ROR1: variants seen among roughly 807,000 people sequenced by gnomAD.
The protein encoded by ROR1 is inactive tyrosine-protein kinase transmembrane receptor ROR1.
In ROR1, 19 loss-of-function variants were observed where a neutral mutation model predicts 78.8. The observed-to-expected ratio is 0.24, with a 90% CI of 0.17 to 0.35. ROR1 has a LOEUF of 0.35. ROR1 is among the 10% of genes least tolerant of loss of function. The probability of loss-of-function intolerance (pLI) is 1.00; values close to 1 mark genes in which losing one functional copy is unlikely to be tolerated. For synonymous variants in ROR1, 386 were observed against 433.6 expected, an observed-to-expected ratio of 0.89 and a Z score of 1.36; for missense variants, 917 against 1,177.8, an observed-to-expected ratio of 0.78 and a Z score of 3.24.
intron 1 of ROR1, among the ~76,000 whole-genome samples, chr1:63,786,398 C>T (rs564575761): frequency 6.7e-6 from 1 of 149,100 alleles, no homozygotes; most frequent in Non-Finnish European, 1.5e-5. Context: ...TCAGCCTCCT[C>T]AGTAGCTGGG....
rs533039680 is a variant in ROR1 at position 63,932,983 on chromosome 1, C to G, written c.92-76322C>G. Among the ~76,000 whole-genome samples the G allele has an allele frequency of 3.3e-5, 5 of 152,264 alleles. No individual in the cohort carries two copies. The South Asian group carries it at 1.0e-3, about 32-fold the overall frequency. On this transcript the variant is annotated intron_variant, in intron 1 of 8. Transcript: ENST00000371079. ...AGCCCTTTATCTCTGTAATAATTGC[C>G]AAGAGTCCTGAAAGATGCCTCTTCC...
intron 7 of ROR1, among the ~76,000 whole-genome samples, chr1:64,147,932 T>C (rs1649517827): frequency 1.3e-5 from 2 of 152,154 alleles, no homozygotes; most frequent in Admixed American, 6.5e-5. Context: ...TACTGGCAAC[T>C]GTTGTGTAGA....
At chr1:63,953,567 T>C (rs1219952831) in intron 1 of ROR1, among the ~76,000 whole-genome samples, 1 of 152,212 alleles carries the variant, frequency 6.6e-6, no homozygotes, top group Non-Finnish European at 1.5e-5. Context: ...TGTTGTAACA[T>C]GCCTACCCTA....
chr1:63,782,859 T>C (rs1032168397), intron 1 of ROR1, among the ~76,000 whole-genome samples: 1 of 152,190 alleles, frequency 6.6e-6, no homozygotes, highest in African/African-American at 2.4e-5. Context: ...AGGCACTTTA[T>C]ACAGCCAGTG....
intron 1 of ROR1, among the ~76,000 whole-genome samples, chr1:63,801,599 A>G (rs1030603562): frequency 1.3e-5 from 2 of 152,098 alleles, no homozygotes; most frequent in African/African-American, 2.4e-5. Flanking sequence ...CTGGCCGGGT[A>G]TCATGTATTT....
chr1:63,826,877 G>T (rs887120664), intron 1 of ROR1, among the ~76,000 whole-genome samples: 1 of 151,998 alleles, frequency 6.6e-6, no homozygotes, highest in African/African-American at 2.4e-5. Flanking sequence ...CTGTGGTTTT[G>T]ACTTGCATTT....
chr1:64,031,057 A>C lies in ROR1; in HGVS notation c.164-18634A>C, dbSNP rs377479320. On this transcript the variant is annotated intron_variant, in intron 2 of 8. Coordinates refer to ENST00000371079, the MANE Select transcript of ROR1 (RefSeq NM_005012.4). ...ATGCCTGCCTAATTTTTGTAGAGAC[A>C]GAGTTTTGCCATGTTTCCCAGGCTG... 3.3e-5 allele frequency among the ~76,000 whole-genome samples: 5 copies of C among 152,286 alleles called. No homozygotes were observed. In the South Asian group the frequency reaches 6.2e-4, roughly 19 times the overall value.
chr1:63,943,678 T>C (rs1645859688), intron 1 of ROR1, among the ~76,000 whole-genome samples: 2 of 152,196 alleles, frequency 1.3e-5, no homozygotes, highest in South Asian at 4.1e-4. Flanking sequence ...GCTGGTCACA[T>C]TTGCAGAGAG....
intron 1 of ROR1, among the ~76,000 whole-genome samples, chr1:63,990,860 G>A (rs1646290155): frequency 6.6e-6 from 1 of 152,122 alleles, no homozygotes; most frequent in Non-Finnish European, 1.5e-5. Context: ...TTTTAATAGA[G>A]TACCCAGAAT....
At chr1:64,060,021 A>C (rs1397019253) in intron 4 of ROR1, among the ~76,000 whole-genome samples, 1 of 151,636 alleles carries the variant, frequency 6.6e-6, no homozygotes, top group African/African-American at 2.4e-5. Flanking sequence ...CTATATATCC[A>C]CTCCCTCACC....
intron 1 of ROR1, among the ~76,000 whole-genome samples, chr1:63,922,548 G>A (rs1645665148): frequency 1.3e-5 from 2 of 152,118 alleles, no homozygotes; most frequent in Admixed American, 6.6e-5. Flanking sequence ...AACAGAATTG[G>A]AGAATTGTTC....
At chr1:63,792,739 G>A (rs567573183) in intron 1 of ROR1, among the ~76,000 whole-genome samples, 56 of 152,180 alleles carry the variant, frequency 3.7e-4, no homozygotes, top group South Asian at 1.9e-3. Context: ...CTTGCCTCTT[G>A]CAAAGAGAGA....
At chr1:64,094,145 A>G (rs1286361875) in intron 4 of ROR1, among the ~76,000 whole-genome samples, 3 of 152,204 alleles carry the variant, frequency 2.0e-5, no homozygotes, top group Non-Finnish European at 4.4e-5. Flanking sequence ...TTCATGAAAT[A>G]CTAAGTAACT....
At position 63,879,342 on chromosome 1, in the gene ROR1, C is replaced by A. The variant is rs537864938; in HGVS notation, c.91+104834C>A. ...GATGATGTCTTCTATTGTAGTTTGC[C>A]GAAGGGACAGAGTTTGTGAGAGGGA... On this transcript the variant is annotated intron_variant, in intron 1 of 8. Coordinates refer to ENST00000371079, the MANE Select transcript of ROR1 (RefSeq NM_005012.4). 2.6e-5 allele frequency among the ~76,000 whole-genome samples: 4 copies of A among 152,134 alleles called. No homozygotes were observed. The South Asian group carries it at 8.3e-4, about 32-fold the overall frequency.
chr1:63,823,764 C>CTT (rs879676151), intron 1 of ROR1, among the ~76,000 whole-genome samples: 1 of 144,988 alleles, frequency 6.9e-6, no homozygotes. Flanking sequence ...AAATCTTAAA[C>CTT]TTTTTTTTTT....
chr1:64,018,845 C>T (rs1646541954), intron 2 of ROR1, among the ~76,000 whole-genome samples: 1 of 152,154 alleles, frequency 6.6e-6, no homozygotes, highest in Admixed American at 6.5e-5. Flanking sequence ...AGTAGCTGTC[C>T]TCAAGCTTTG....
chr1:64,148,987 C>G (rs1649548900), intron 7 of ROR1, among the ~76,000 whole-genome samples: 1 of 151,498 alleles, frequency 6.6e-6, no homozygotes, highest in South Asian at 2.1e-4. Context: ...CCTTGTGTAG[C>G]CTACAATCTA....
intron 1 of ROR1, among the ~76,000 whole-genome samples, chr1:63,988,350 A>G (rs1393849856): frequency 6.6e-6 from 1 of 152,190 alleles, no homozygotes; most frequent in Non-Finnish European, 1.5e-5. Flanking sequence ...CTCAGAATTC[A>G]TTTAATCCAG....
intron 4 of ROR1, among the ~76,000 whole-genome samples, chr1:64,136,221 A>G (rs1225781513): frequency 2.0e-5 from 3 of 152,150 alleles, no homozygotes; most frequent in East Asian, 3.9e-4. Context: ...TGTAGATGAG[A>G]AAATTGTGGC....
Sources: gnomAD v4.1 joint callset for allele counts (sites outside exome capture counted in the v4.1 genomes callset) on GRCh38, gnomAD v4.1.1 for gene constraint, MANE v1.5 for transcripts, NCBI Gene and HGNC (gene_info 2026-07-23, HGNC 2026-07-21) for gene names.